The following KIAA1217 variants were observed in gnomAD, a reference collection of about 807,000 sequenced individuals.
KIAA1217 encodes the protein sickle tail protein homolog.
A neutral mutation model predicts 163.9 loss-of-function variants in KIAA1217; 88 were observed. The observed-to-expected ratio is 0.54, with a 90% confidence interval of 0.45 to 0.64. KIAA1217 has a LOEUF of 0.64. KIAA1217 is among the 30% of genes least tolerant of loss of function. The pLI is 0.00. For synonymous variants in KIAA1217, 903 were observed against 923.1 expected (o/e 0.98, Z 0.39); for missense variants, 2,372 against 2,475.0 (o/e 0.96, Z 0.88).
At chr10:24,539,584 C>G (rs1289381481) in intron 17 of KIAA1217, among the ~76,000 whole-genome samples, 1 of 152,136 alleles carries the variant, frequency 6.6e-6, no homozygotes, top group Non-Finnish European at 1.5e-5. Flanking sequence ...AAATCCATAT[C>G]CCATTGGTCT....
intron 2 of KIAA1217, among the ~76,000 whole-genome samples, chr10:24,034,752 C>A (rs1214254702): frequency 6.6e-6 from 1 of 152,164 alleles, no homozygotes; most frequent in African/African-American, 2.4e-5. Flanking sequence ...GCGTGTTTCC[C>A]CACTGACCTT....
chr10:23,805,862 A>G (rs1283819892), intron 1 of KIAA1217, among the ~76,000 whole-genome samples: 2 of 151,680 alleles, frequency 1.3e-5, no homozygotes, highest in Non-Finnish European at 2.9e-5. Context: ...AACAAATACA[A>G]AAAATTAGCT....
intron 2 of KIAA1217, among the ~76,000 whole-genome samples, chr10:24,349,132 CA>C (rs11318554): frequency 0.45 from 47,600 of 105,568 alleles, 9,274 homozygotes; most frequent in African/African-American, 0.54. Flanking sequence ...GACCCTGTCT[CA>C]AAAAAAAAAA....
At chr10:23,979,514 C>G (rs886261950) in intron 1 of KIAA1217, among the ~76,000 whole-genome samples, 1 of 152,032 alleles carries the variant, frequency 6.6e-6, no homozygotes, top group Non-Finnish European at 1.5e-5. Context: ...GTATGTCATT[C>G]TTTTTTTTCT....
chr10:23,869,124 G>GTTTTTTTTTTTTTTTTTTTTTTTTTT (rs58288361), intron 1 of KIAA1217, among the ~76,000 whole-genome samples: 1 of 31,724 alleles, frequency 3.2e-5, no homozygotes, highest in African/African-American at 1.2e-4. Flanking sequence ...ATGAAATGTA[G>GTTTTTTTTTTTTTTTTTTTTTTTTTT]TTTTTTTTTT....
chr10:24,404,648 A>C (rs1021303075), intron 3 of KIAA1217, among the ~76,000 whole-genome samples: 1 of 151,604 alleles, frequency 6.6e-6, no homozygotes, highest in South Asian at 2.1e-4. Context: ...CATTTATCTC[A>C]GACAAATGAA....
At chr10:24,311,119 G>T (rs2042636442) in intron 2 of KIAA1217, among the ~76,000 whole-genome samples, 1 of 152,162 alleles carries the variant, frequency 6.6e-6, no homozygotes, top group Non-Finnish European at 1.5e-5. Flanking sequence ...CCCAATGCCA[G>T]AACTCCTAAC....
intron 9 of KIAA1217, among the ~76,000 whole-genome samples, chr10:24,510,106 G>A (rs1199014489): frequency 6.6e-6 from 1 of 152,148 alleles, no homozygotes; most frequent in African/African-American, 2.4e-5. Context: ...TGAACAAAAT[G>A]GCATGCTCCC....
chr10:23,986,279 C>A (rs566682259), intron 1 of KIAA1217, among the ~76,000 whole-genome samples: 1 of 152,182 alleles, frequency 6.6e-6, no homozygotes, highest in African/African-American at 2.4e-5. Context: ...AGACACTGAA[C>A]GCAAACTTCA....
At chr10:24,206,586 C>G (rs2067566845), upstream of KIAA1217, among the ~76,000 whole-genome samples, 1 of 152,154 alleles carries the variant, frequency 6.6e-6, no homozygotes, top group Admixed American at 6.5e-5. Context: ...AGTTCCTCTT[C>G]TTAAGGAGGA....
intron 2 of KIAA1217, among the ~76,000 whole-genome samples, chr10:24,232,899 A>G (rs1174344890): frequency 1.4e-5 from 2 of 138,246 alleles, no homozygotes; most frequent in Non-Finnish European, 3.1e-5. Flanking sequence ...GTGGATTGCC[A>G]GAGCTCAGGA....
chr10:24,326,870 A>G (rs2044984070), intron 2 of KIAA1217, among the ~76,000 whole-genome samples: 1 of 152,210 alleles, frequency 6.6e-6, no homozygotes, highest in Admixed American at 6.5e-5. Context: ...AGGGAAACGA[A>G]TGATATGAAA....
At chr10:24,177,968 CAGGTCTGGTGCTT>C (rs1006108918) in intron 2 of KIAA1217, among the ~76,000 whole-genome samples, 6 of 152,148 alleles carry the variant, frequency 3.9e-5, no homozygotes, top group Non-Finnish European at 5.9e-5. Context: ...CAGATAGCAC[CAGGTCTGGTGCTT>C]TTCCTAAATA....
intron 1 of KIAA1217, among the ~76,000 whole-genome samples, chr10:23,902,308 G>T (rs1841989722): frequency 6.6e-6 from 1 of 152,038 alleles, no homozygotes; most frequent in African/African-American, 2.4e-5. Flanking sequence ...TTATAAGTGG[G>T]AGCTACGTGA....
At chr10:24,212,949 T>A (rs140454304) in intron 1 of KIAA1217, among the ~76,000 whole-genome samples, 1 of 152,342 alleles carries the variant, frequency 6.6e-6, no homozygotes, top group Non-Finnish European at 1.5e-5. Flanking sequence ...TTTATTATCC[T>A]GCTATAGATA....
rs188330860 is a variant in KIAA1217, at chr10:24,339,587, C to G, written c.355-41282C>G. ...TCAAATATCCACTGTGAGCCAGGAA[C>G]TAGAGCAGGTGTTGTACGTGTGTTT... is the stretch of plus-strand genomic sequence containing the variant. On this transcript the variant is annotated intron_variant, in intron 2 of 20. Transcript: ENST00000376454. Among the ~76,000 whole-genome samples the G allele has an allele frequency of 4.7e-3, 717 of 152,318 alleles. 2 individuals are homozygous for G. The highest frequency in any genetic ancestry group is 5.6e-3 in the Non-Finnish European group (379 of 68,018).
intron 1 of KIAA1217, among the ~76,000 whole-genome samples, chr10:23,740,510 C>T (rs991031609): frequency 1.3e-5 from 2 of 152,102 alleles, no homozygotes; most frequent in Middle Eastern, 3.2e-3. Flanking sequence ...AGATGCGCAC[C>T]ACCACACCCA....
intron 2 of KIAA1217, among the ~76,000 whole-genome samples, chr10:24,113,800 G>A (rs182274320): frequency 5.9e-5 from 9 of 152,294 alleles, no homozygotes; most frequent in Admixed American, 1.3e-4. Flanking sequence ...ACATTGCTTC[G>A]CTCTCTTCAG....
intron 2 of KIAA1217, among the ~76,000 whole-genome samples, chr10:24,128,358 C>T (rs1009556422): frequency 6.6e-6 from 1 of 151,992 alleles, no homozygotes; most frequent in African/African-American, 2.4e-5. Flanking sequence ...TGGGTTGCAC[C>T]CTAGATTATG....
Sources: gnomAD v4.1 joint callset for allele counts (sites outside exome capture counted in the v4.1 genomes callset) on GRCh38, gnomAD v4.1.1 for gene constraint, MANE v1.5 for transcripts, NCBI Gene and HGNC (gene_info 2026-07-23, HGNC 2026-07-21) for gene names.